SUSD1: variants seen among roughly 807,000 people sequenced by gnomAD.
SUSD1 encodes sushi domain containing 1.
In SUSD1, 65 loss-of-function variants were observed where a neutral mutation model predicts 86.9. The ratio of observed to expected loss-of-function variants is 0.75; its 90% confidence interval spans 0.61 to 0.92. The LOEUF is 0.92. Among genes scored for constraint, SUSD1 ranks in the 40% least tolerant of loss-of-function variants. The probability of loss-of-function intolerance (pLI) is 0.00; values close to 1 mark genes in which losing one functional copy is unlikely to be tolerated. For synonymous variants in SUSD1, 346 were observed against 350.0 expected, an observed-to-expected ratio of 0.99 and a Z score of 0.13; for missense variants, 850 against 929.7, an observed-to-expected ratio of 0.91 and a Z score of 1.11.
intron 13 of SUSD1, among the ~76,000 whole-genome samples, chr9:112,062,208 A>G (rs1402150844): frequency 6.6e-6 from 1 of 152,214 alleles, no homozygotes; most frequent in Non-Finnish European, 1.5e-5. Flanking sequence ...ATAAAGGGCA[A>G]CATATTCTGC....
At chr9:112,078,181 C>T (rs768479372) in intron 12 of SUSD1, among the ~76,000 whole-genome samples, 2 of 152,046 alleles carry the variant, frequency 1.3e-5, no homozygotes, top group Non-Finnish European at 2.9e-5. Flanking sequence ...CCCGTCTCTA[C>T]AAAAAATACA....
intron 8 of SUSD1, among the ~76,000 whole-genome samples, chr9:112,108,028 C>T (rs1830923876): frequency 6.6e-6 from 1 of 152,088 alleles, no homozygotes; most frequent in Non-Finnish European, 1.5e-5. Flanking sequence ...TCAATAAATC[C>T]TCCAAACATA....
intron 1 of SUSD1, among the ~76,000 whole-genome samples, chr9:112,166,825 C>T (rs886522018): frequency 6.6e-6 from 1 of 152,102 alleles, no homozygotes. Flanking sequence ...AGGTGAGGGA[C>T]CCCGAGGGAT....
chr9:112,060,261 T>C (rs1270602527), intron 13 of SUSD1, among the ~76,000 whole-genome samples: 23 of 152,118 alleles, frequency 1.5e-4, no homozygotes, highest in African/African-American at 5.1e-4. Context: ...TGATTTTCTT[T>C]CTTTTCTTTT....
At chr9:112,083,619 T>C (rs528924112) in intron 10 of SUSD1, among the ~76,000 whole-genome samples, 66 of 152,332 alleles carry the variant, frequency 4.3e-4, no homozygotes, top group African/African-American at 1.5e-3. Flanking sequence ...TAATTGTATA[T>C]TATAAGACAA....
Position 112,175,126 on chromosome 9 carries a change from C to G in SUSD1, c.103+7G>C. The G allele has an allele frequency of 7.7e-6, 8 of 1,040,088 alleles. No individual in the cohort carries two copies. The highest frequency in any genetic ancestry group is 9.2e-6 in the Non-Finnish European group (8 of 868,246). The allele number at this position is 1,040,088 out of a possible 1,614,324, so 64.4% of individuals were successfully genotyped here. A position where few individuals can be genotyped will look rare whatever the true frequency, so the allele number is the denominator to read the frequency against. ...GGCCGCCCGTGCCCGTCCCAGCCCG[C>G]ACTCACCGTCGGGGCCCGGCGCTCC... On this transcript the variant is annotated splice_region_variant and intron_variant, in intron 1 of 16. Coordinates refer to ENST00000374270, the MANE Select transcript of SUSD1 (RefSeq NM_022486.5). The surrounding 1 kb of genome is among the most constrained non-coding windows in gnomAD (Gnocchi z 4.7).
At chr9:112,135,838 A>G (rs1424225040) in intron 5 of SUSD1, among the ~76,000 whole-genome samples, 1 of 152,218 alleles carries the variant, frequency 6.6e-6, no homozygotes, top group Non-Finnish European at 1.5e-5. Flanking sequence ...TCATTATCCG[A>G]TTAAATCTTC....
At chr9:112,141,735 AAT>A (rs1044668302) in intron 5 of SUSD1, among the ~76,000 whole-genome samples, 5 of 136,182 alleles carry the variant, frequency 3.7e-5, no homozygotes, top group African/African-American at 1.5e-4. Flanking sequence ...TATTATATAT[AAT>A]ATATATTACA....
At chr9:112,048,478 T>C (rs902303913) in intron 15 of SUSD1, among the ~76,000 whole-genome samples, 1 of 152,196 alleles carries the variant, frequency 6.6e-6, no homozygotes, top group African/African-American at 2.4e-5. Context: ...CTCTGGCTTA[T>C]TTGATAAGTA....
chr9:112,174,551 C>A (rs1287525105), intron 1 of SUSD1, among the ~76,000 whole-genome samples: 1 of 152,122 alleles, frequency 6.6e-6, no homozygotes, highest in African/African-American at 2.4e-5. Context: ...CACTGCCCGC[C>A]CTCATCGCGC....
At chr9:112,050,882 C>T (rs982257965) in intron 15 of SUSD1, among the ~76,000 whole-genome samples, 6 of 152,214 alleles carry the variant, frequency 3.9e-5, no homozygotes, top group Non-Finnish European at 7.3e-5. Context: ...GCAATTTCCC[C>T]GCCTGGATAA....
intron 8 of SUSD1, among the ~76,000 whole-genome samples, chr9:112,105,536 T>C (rs1400220439): frequency 2.6e-5 from 4 of 152,050 alleles, no homozygotes; most frequent in Non-Finnish European, 5.9e-5. Flanking sequence ...CTGGCCAACA[T>C]GGTAAAACCC....
intron 10 of SUSD1, among the ~76,000 whole-genome samples, chr9:112,095,957 T>C (rs149376900): frequency 1.3e-3 from 193 of 152,252 alleles, no homozygotes; most frequent in Admixed American, 2.5e-3. Context: ...GGAACGGGCA[T>C]CAAGAAAGAC....
At chr9:112,111,359 T>G (rs1831089038) in intron 8 of SUSD1, among the ~76,000 whole-genome samples, 1 of 152,232 alleles carries the variant, frequency 6.6e-6, no homozygotes, top group Non-Finnish European at 1.5e-5. Context: ...CCTTGGATAT[T>G]TGAGAGTGGA....
In SUSD1 at chr9:112,086,771, C is replaced by T. The variant is rs558410276; in HGVS notation, c.1475-6606G>A. 4.0e-5 allele frequency among the ~76,000 whole-genome samples: 6 copies of T among 151,874 alleles called. No homozygotes were observed. In the East Asian group the frequency reaches 1.2e-3, roughly 29 times the overall value. Reference sequence around the variant, plus strand: ...GAGGGAAATGCAAGATCCTACAAGGCAAAAGAGAACCTAAAATGAGAAGAA... The same window carrying T: ...GAGGGAAATGCAAGATCCTACAAGGTAAAAGAGAACCTAAAATGAGAAGAA... On this transcript the variant is annotated intron_variant, in intron 10 of 16. Coordinates refer to ENST00000374270, the MANE Select transcript of SUSD1 (RefSeq NM_022486.5).
chr9:112,130,276 G>A (rs1288259857), intron 5 of SUSD1, among the ~76,000 whole-genome samples: 1 of 152,130 alleles, frequency 6.6e-6, no homozygotes, highest in African/African-American at 2.4e-5. Flanking sequence ...GGTAGGTTGA[G>A]GCAGGAGGAT....
chr9:112,163,962 C>A (rs1357649516), intron 1 of SUSD1, among the ~76,000 whole-genome samples: 1 of 151,784 alleles, frequency 6.6e-6, no homozygotes, highest in Non-Finnish European at 1.5e-5. Context: ...GACTGTGCCA[C>A]TGCACTCCAG....
intron 11 of SUSD1, among the ~76,000 whole-genome samples, chr9:112,079,604 CTTTTTT>C (rs34242117): frequency 7.2e-6 from 1 of 139,562 alleles, no homozygotes; most frequent in Non-Finnish European, 1.5e-5. Context: ...CTTCCCCCTC[CTTTTTT>C]TTTTTTTTTC....
chr9:112,085,260 T>A (rs1043788557), intron 10 of SUSD1, among the ~76,000 whole-genome samples: 3 of 152,160 alleles, frequency 2.0e-5, no homozygotes, highest in Non-Finnish European at 4.4e-5. Context: ...AGGAGAGAAG[T>A]TATGGCCTAT....
Sources: allele counts gnomAD v4.1 joint callset (sites outside exome capture counted in the v4.1 genomes callset), GRCh38; gene constraint gnomAD v4.1.1; non-coding constraint Gnocchi (gnomAD v3.1); transcripts MANE v1.5; gene names NCBI Gene and HGNC (gene_info 2026-07-23, HGNC 2026-07-21).